Variants in LRMDA observed in about 807,000 individuals in gnomAD.
The protein encoded by LRMDA is leucine-rich melanocyte differentiation-associated protein.
A neutral mutation model predicts 29.8 loss-of-function variants in LRMDA; 18 were observed. The ratio of observed to expected loss-of-function variants is 0.60; its 90% CI spans 0.42 to 0.90. The LOEUF is 0.90. Among genes scored for constraint, LRMDA ranks in the 40% least tolerant of loss-of-function variants. The pLI is 0.00. For synonymous variants in LRMDA, 125 were observed against 109.4 expected, an observed-to-expected ratio of 1.14 and a Z score of -0.89; for missense variants, 273 against 273.9, an observed-to-expected ratio of 1.00 and a Z score of 0.02.
chr10:75,691,120 A>ATG (rs1564541095), intron 2 of LRMDA, among the ~76,000 whole-genome samples: 3 of 80,788 alleles, frequency 3.7e-5, no homozygotes, highest in Non-Finnish European at 4.4e-5. Flanking sequence ...CTATATATCT[A>ATG]TATACATAGA....
At chr10:76,339,241 A>T (rs1841007121) in intron 6 of LRMDA, among the ~76,000 whole-genome samples, 1 of 151,046 alleles carries the variant, frequency 6.6e-6, no homozygotes, top group South Asian at 2.1e-4. Context: ...AAATTATATT[A>T]AAAAAGGAAG....
intron 2 of LRMDA, among the ~76,000 whole-genome samples, chr10:75,738,581 A>G (rs1842793321): frequency 6.6e-6 from 1 of 152,128 alleles, no homozygotes; most frequent in Non-Finnish European, 1.5e-5. Flanking sequence ...AATGACCAAA[A>G]CGCCTTGACT....
At chr10:75,691,145 T>G (rs1317382840) in intron 2 of LRMDA, among the ~76,000 whole-genome samples, 12 of 101,586 alleles carry the variant, frequency 1.2e-4, no homozygotes, top group South Asian at 6.1e-4. Context: ...TAGATCTATA[T>G]ATCTATATAC....
At chr10:76,314,061 C>G (rs552189261) in intron 5 of LRMDA, among the ~76,000 whole-genome samples, 1 of 152,144 alleles carries the variant, frequency 6.6e-6, no homozygotes, top group African/African-American at 2.4e-5. Flanking sequence ...CCCAACAAAG[C>G]AACTTCTCAA....
chr10:75,630,187 C>T (rs1020188566), intron 2 of LRMDA, among the ~76,000 whole-genome samples: 1 of 152,206 alleles, frequency 6.6e-6, no homozygotes, highest in African/African-American at 2.4e-5. Context: ...GCATTTTCCT[C>T]CTGGCTGGGT....
intron 5 of LRMDA, among the ~76,000 whole-genome samples, chr10:76,164,583 G>A (rs1850701406): frequency 6.6e-6 from 1 of 152,144 alleles, no homozygotes; most frequent in Non-Finnish European, 1.5e-5. Flanking sequence ...GGCCATGTGT[G>A]GTCTGCAAAG....
intron 2 of LRMDA, among the ~76,000 whole-genome samples, chr10:75,901,116 A>T (rs1845663721): frequency 6.6e-6 from 1 of 152,180 alleles, no homozygotes; most frequent in African/African-American, 2.4e-5. Flanking sequence ...GAGGAGGAGG[A>T]GAGGAGGAAG....
At chr10:76,228,669 G>A (rs906670829) in intron 5 of LRMDA, among the ~76,000 whole-genome samples, 1 of 152,132 alleles carries the variant, frequency 6.6e-6, no homozygotes, top group African/African-American at 2.4e-5. Flanking sequence ...ATGGGTGTCA[G>A]ACATGCAAAA....
chr10:76,080,460 T>G (rs1354781449), intron 5 of LRMDA, among the ~76,000 whole-genome samples: 1 of 152,140 alleles, frequency 6.6e-6, no homozygotes, highest in Non-Finnish European at 1.5e-5. Context: ...CATGGCCAAT[T>G]ACCAGGGAAG....
At chr10:76,517,201 C>G (rs956043311) in intron 6 of LRMDA, among the ~76,000 whole-genome samples, 3 of 152,020 alleles carry the variant, frequency 2.0e-5, no homozygotes, top group African/African-American at 7.2e-5. Context: ...CAGGTGGCAG[C>G]TGAGAATTCT....
intron 5 of LRMDA, among the ~76,000 whole-genome samples, chr10:76,151,893 A>G (rs1029688673): frequency 2.6e-5 from 4 of 152,162 alleles, no homozygotes; most frequent in African/African-American, 7.2e-5. Flanking sequence ...TTATTACACT[A>G]TATAGGACCT....
At chr10:76,080,668 CAT>C (rs1849034794) in intron 5 of LRMDA, among the ~76,000 whole-genome samples, 1 of 152,204 alleles carries the variant, frequency 6.6e-6, no homozygotes, top group African/African-American at 2.4e-5. Context: ...TTATATAAAT[CAT>C]AGTGAGTTGC....
chr10:76,466,917 C>T (rs1199968180), intron 6 of LRMDA, among the ~76,000 whole-genome samples: 3 of 152,246 alleles, frequency 2.0e-5, no homozygotes, highest in Admixed American at 6.5e-5. Flanking sequence ...TCTCCAGTGT[C>T]CATCCTCTTC....
At chr10:75,629,846 G>T (rs1841300978) in intron 2 of LRMDA, among the ~76,000 whole-genome samples, 1 of 152,096 alleles carries the variant, frequency 6.6e-6, no homozygotes, top group South Asian at 2.1e-4. Flanking sequence ...GGTGATGATA[G>T]CTATATTAAT....
At chr10:75,685,989 C>A (rs1842077303) in intron 2 of LRMDA, among the ~76,000 whole-genome samples, 1 of 152,142 alleles carries the variant, frequency 6.6e-6, no homozygotes, top group Non-Finnish European at 1.5e-5. Flanking sequence ...CTCTGTTTTA[C>A]AGATAAGGAC....
chr10:76,349,772 C>T (rs1841152288), intron 6 of LRMDA, among the ~76,000 whole-genome samples: 1 of 152,028 alleles, frequency 6.6e-6, no homozygotes, highest in Admixed American at 6.6e-5. Context: ...TAATGTATCT[C>T]TATTGGAAAA....
At chr10:76,384,924 T>C (rs1012227154) in intron 6 of LRMDA, among the ~76,000 whole-genome samples, 3 of 152,154 alleles carry the variant, frequency 2.0e-5, no homozygotes, top group Admixed American at 1.3e-4. Flanking sequence ...GGTGTCGAAA[T>C]TGGGTTGTCA....
At chr10:76,069,601 CTTTT>C (rs559273778) in intron 5 of LRMDA, among the ~76,000 whole-genome samples, 1 of 140,930 alleles carries the variant, frequency 7.1e-6, no homozygotes, top group African/African-American at 2.6e-5. Flanking sequence ...CCAAAGCTGT[CTTTT>C]TTTTTTTTTT....
chr10:76,484,838 AC>A (rs1228610151), intron 6 of LRMDA, among the ~76,000 whole-genome samples: 2 of 151,708 alleles, frequency 1.3e-5, no homozygotes, highest in African/African-American at 4.8e-5. Flanking sequence ...TCAGGTGCAT[AC>A]CTGATAAGTA....
Sources: gnomAD v4.1 joint callset for allele counts (sites outside exome capture counted in the v4.1 genomes callset) on GRCh38, gnomAD v4.1.1 for gene constraint, MANE v1.5 for transcripts, NCBI Gene and HGNC (gene_info 2026-07-23, HGNC 2026-07-21) for gene names.